The following DCC variants were observed in gnomAD, a reference collection of about 807,000 sequenced individuals.
DCC encodes DCC netrin 1 receptor.
Under a neutral mutation model 172.5 loss-of-function variants are expected in DCC, and 58 were observed. The observed-to-expected ratio is 0.34, with a 90% confidence interval of 0.27 to 0.42. The LOEUF is 0.42. Among genes scored for constraint, DCC ranks in the 10% least tolerant of loss-of-function variants. The probability of loss-of-function intolerance (pLI) is 1.00; values close to 1 mark genes in which losing one functional copy is unlikely to be tolerated. For missense variants in DCC, 1,740 were observed against 1,791.0 expected (o/e 0.97, Z 0.51); for synonymous variants, 709 against 644.5 (o/e 1.10, Z -1.52).
intron 1 of DCC, among the ~76,000 whole-genome samples, chr18:52,474,239 AG>A (rs1325371436): frequency 2.7e-5 from 2 of 73,386 alleles, no homozygotes; most frequent in African/African-American, 7.4e-5. Context: ...AGAGAGAGAG[AG>A]AGAAAGAGAG....
intron 1 of DCC, among the ~76,000 whole-genome samples, chr18:52,629,844 G>A (rs2034641722): frequency 1.3e-5 from 2 of 151,514 alleles, no homozygotes; most frequent in South Asian, 4.2e-4. Context: ...CAGCTGCTCG[G>A]GAGGCTGAGG....
At chr18:52,384,912 A>G (rs1235729132) in intron 1 of DCC, among the ~76,000 whole-genome samples, 1 of 152,192 alleles carries the variant, frequency 6.6e-6, no homozygotes. Context: ...AAAGAGAGAT[A>G]TAAGCCAGTG....
intron 9 of DCC, 78 bp downstream of exon 9, chr18:53,179,194 C>A (rs2055156193): frequency 2.1e-6 from 3 of 1,424,048 alleles, no homozygotes; most frequent in East Asian, 2.4e-5. Flanking sequence ...TTTCACAGAA[C>A]CTTTGCGAAG....
intron 1 of DCC, among the ~76,000 whole-genome samples, chr18:52,439,152 T>C (rs1460070148): frequency 2.7e-5 from 4 of 150,176 alleles, no homozygotes; most frequent in Non-Finnish European, 5.9e-5. Context: ...CATACCACTG[T>C]TAATATTTTG....
intron 15 of DCC, among the ~76,000 whole-genome samples, chr18:53,384,120 G>A (rs1336917092): frequency 3.7e-5 from 2 of 53,806 alleles, no homozygotes; most frequent in East Asian, 3.4e-4. Flanking sequence ...TCTGGTCATC[G>A]TATATGCCTA....
intron 12 of DCC, among the ~76,000 whole-genome samples, chr18:53,216,616 T>G (rs2055855978): frequency 6.6e-6 from 1 of 152,172 alleles, no homozygotes; most frequent in Admixed American, 6.6e-5. Context: ...TCATTCCATG[T>G]GCAAATGCCT....
intron 8 of DCC, among the ~76,000 whole-genome samples, chr18:53,173,507 A>T (rs923188899): frequency 3.7e-4 from 56 of 152,288 alleles, no homozygotes; most frequent in African/African-American, 1.3e-3. Flanking sequence ...AGTTAAAATT[A>T]AAAAAGGCAG....
At chr18:52,497,314 TACACACACAC>T (rs34542048) in intron 1 of DCC, among the ~76,000 whole-genome samples, 2 of 73,968 alleles carry the variant, frequency 2.7e-5, no homozygotes, top group African/African-American at 5.1e-5. Flanking sequence ...TATATATATA[TACACACACAC>T]ATATATATAC....
At chr18:52,751,008 T>A (rs1198367938) in intron 1 of DCC, among the ~76,000 whole-genome samples, 1 of 152,198 alleles carries the variant, frequency 6.6e-6, no homozygotes. Context: ...TCTTCTGCAT[T>A]TTCACACAAG....
chr18:53,184,997 C>T (rs1180458416), intron 9 of DCC, among the ~76,000 whole-genome samples: 4 of 152,064 alleles, frequency 2.6e-5, no homozygotes, highest in Non-Finnish European at 4.4e-5. Context: ...CCTGTCCACT[C>T]GACAACAATT....
intron 3 of DCC, among the ~76,000 whole-genome samples, chr18:52,921,828 G>A (rs1368159000): frequency 6.6e-6 from 1 of 151,712 alleles, no homozygotes; most frequent in Non-Finnish European, 1.5e-5. Flanking sequence ...AGAAGATTAA[G>A]TAGATCTTGA....
chr18:52,522,811 A>G (rs945481699), intron 1 of DCC, among the ~76,000 whole-genome samples: 39 of 152,284 alleles, frequency 2.6e-4, no homozygotes, highest in Admixed American at 1.6e-3. Flanking sequence ...AATATTTTAT[A>G]GTACCCCACC....
At chr18:53,059,124 A>G (rs1490023266) in intron 5 of DCC, among the ~76,000 whole-genome samples, 1 of 152,102 alleles carries the variant, frequency 6.6e-6, no homozygotes, top group Non-Finnish European at 1.5e-5. Flanking sequence ...AGCCTCTTAT[A>G]AAACCATCAG....
chr18:53,153,553 T>A (rs2054678794), intron 7 of DCC, among the ~76,000 whole-genome samples: 1 of 152,354 alleles, frequency 6.6e-6, no homozygotes, highest in East Asian at 1.9e-4. Context: ...TTTCAGACTC[T>A]GTTTTAATGT....
At chr18:52,957,066 C>A (rs190653331) in intron 5 of DCC, among the ~76,000 whole-genome samples, 2 of 152,160 alleles carry the variant, frequency 1.3e-5, no homozygotes, top group Admixed American at 1.3e-4. Context: ...CTAGGATAGA[C>A]TATTTCCTGA....
chr18:52,603,579 A>G (rs909175846), intron 1 of DCC, among the ~76,000 whole-genome samples: 4 of 143,998 alleles, frequency 2.8e-5, no homozygotes, highest in African/African-American at 5.3e-5. Flanking sequence ...AAACCCTAAA[A>G]TGTGAAGTTA....
At chr18:52,856,396 C>T (rs112349071) in intron 2 of DCC, among the ~76,000 whole-genome samples, 2 of 151,342 alleles carry the variant, frequency 1.3e-5, no homozygotes, top group East Asian at 2.0e-4. Context: ...GAGGCCGAGG[C>T]GGGCGTTTCA....
chr18:53,262,967 T>C (rs2056623626), intron 12 of DCC, among the ~76,000 whole-genome samples: 1 of 152,208 alleles, frequency 6.6e-6, no homozygotes, highest in Non-Finnish European at 1.5e-5. Context: ...TAAGCATATC[T>C]GTAGATTTAT....
intron 1 of DCC, among the ~76,000 whole-genome samples, chr18:52,592,084 T>A (rs900029240): frequency 2.6e-5 from 4 of 152,204 alleles, no homozygotes; most frequent in Admixed American, 2.6e-4. Context: ...GTAAACATGC[T>A]TTAGTCTTTT....
Sources: allele counts gnomAD v4.1 joint callset (sites outside exome capture counted in the v4.1 genomes callset), GRCh38; gene constraint gnomAD v4.1.1; transcripts MANE v1.5; gene names NCBI Gene and HGNC (gene_info 2026-07-23, HGNC 2026-07-21).